NKAIN2: variants seen among roughly 807,000 people sequenced by gnomAD.
The protein encoded by NKAIN2 is sodium/potassium-transporting ATPase subunit beta-1-interacting protein 2.
A neutral mutation model predicts 32.6 loss-of-function variants in NKAIN2; 14 were observed. That is an observed-to-expected ratio of 0.43 (90% CI 0.28 to 0.67). The LOEUF (loss-of-function observed/expected upper bound fraction) is 0.67, where lower values mean the gene tolerates loss of function less well. Among genes scored for constraint, NKAIN2 ranks in the 30% least tolerant of loss-of-function variants. The pLI is 0.17. For missense variants in NKAIN2, 198 were observed against 258.3 expected (o/e 0.77, Z 1.60); for synonymous variants, 80 against 87.2 (o/e 0.92, Z 0.46).
chr6:124,029,451 G>C (rs1047040599), intron 1 of NKAIN2, among the ~76,000 whole-genome samples: 9 of 150,340 alleles, frequency 6.0e-5, no homozygotes, highest in Admixed American at 6.0e-4. Flanking sequence ...AGATAAGGAA[G>C]CACATACCCC....
At chr6:124,458,421 T>C (rs1776403057) in intron 3 of NKAIN2, among the ~76,000 whole-genome samples, 1 of 151,844 alleles carries the variant, frequency 6.6e-6, no homozygotes, top group South Asian at 2.1e-4. Context: ...AAGCAGTGTA[T>C]TAGATGGAAG....
At chr6:123,996,249 A>C (rs1323155390) in intron 1 of NKAIN2, among the ~76,000 whole-genome samples, 1 of 152,104 alleles carries the variant, frequency 6.6e-6, no homozygotes, top group African/African-American at 2.4e-5. Context: ...AATAAATGTC[A>C]GGTCTATTAA....
intron 1 of NKAIN2, among the ~76,000 whole-genome samples, chr6:123,819,071 CA>C (rs1460293196): frequency 6.6e-6 from 1 of 152,094 alleles, no homozygotes; most frequent in Non-Finnish European, 1.5e-5. Context: ...TTAACTTCGT[CA>C]GGTGTTCTGG....
In NKAIN2 at chr6:124,648,698, G is replaced by C. The variant is rs147287775; in HGVS notation, c.274-9488G>C. On this transcript the variant is annotated intron_variant, in intron 3 of 6. Transcript: ENST00000368417. Reference sequence around the variant, plus strand: ...AAAAAAGGCATTAAATGATCCTGAAGTATTGGACCATGTAGAAATGAATAT... The same window carrying C: ...AAAAAAGGCATTAAATGATCCTGAACTATTGGACCATGTAGAAATGAATAT... 1.4e-3 allele frequency among the ~76,000 whole-genome samples: 217 copies of C among 152,276 alleles called. 7 individuals carry two copies. In the East Asian group the frequency reaches 0.038, roughly 27 times the overall value.
chr6:124,079,974 A>C (rs924736954), intron 1 of NKAIN2, among the ~76,000 whole-genome samples: 2 of 151,416 alleles, frequency 1.3e-5, no homozygotes, highest in African/African-American at 4.9e-5. Flanking sequence ...TTGTCCTCAG[A>C]GAGAAATGGT....
chr6:124,003,635 G>T (rs191286313), intron 1 of NKAIN2, among the ~76,000 whole-genome samples: 1 of 152,292 alleles, frequency 6.6e-6, no homozygotes, highest in Admixed American at 6.5e-5. Context: ...ATGGCAAAGT[G>T]AGTGGGAGTG....
At chr6:124,219,517 A>T (rs1018775621) in intron 1 of NKAIN2, among the ~76,000 whole-genome samples, 1 of 152,000 alleles carries the variant, frequency 6.6e-6, no homozygotes. Flanking sequence ...ACATCAAATG[A>T]TGCCGCTGCC....
At chr6:124,186,191 AAGG>A (rs1476167307) in intron 1 of NKAIN2, among the ~76,000 whole-genome samples, 1 of 148,970 alleles carries the variant, frequency 6.7e-6, no homozygotes, top group Non-Finnish European at 1.5e-5. Flanking sequence ...GAAAGGAAGG[AAGG>A]AAGGAAAGAA....
At chr6:124,271,649 G>A (rs1337834279) in intron 1 of NKAIN2, among the ~76,000 whole-genome samples, 1 of 152,166 alleles carries the variant, frequency 6.6e-6, no homozygotes. Flanking sequence ...TGTGGAATTG[G>A]GTAACAGACA....
At chr6:124,596,046 T>C (rs1279003345) in intron 3 of NKAIN2, among the ~76,000 whole-genome samples, 1 of 152,106 alleles carries the variant, frequency 6.6e-6, no homozygotes, top group Non-Finnish European at 1.5e-5. Context: ...GATGTTCTCC[T>C]TGAAGAGAAA....
At chr6:123,884,797 A>G (rs1773635240) in intron 1 of NKAIN2, among the ~76,000 whole-genome samples, 1 of 152,118 alleles carries the variant, frequency 6.6e-6, no homozygotes. Context: ...GTGACAAATA[A>G]AAATAGTACT....
At chr6:123,870,850 C>T (rs1333392437) in intron 1 of NKAIN2, among the ~76,000 whole-genome samples, 4 of 152,018 alleles carry the variant, frequency 2.6e-5, no homozygotes, top group African/African-American at 9.7e-5. Flanking sequence ...TCTTCTTTCT[C>T]TGTTTTTAAT....
intron 1 of NKAIN2, among the ~76,000 whole-genome samples, chr6:124,031,275 T>C (rs1342131112): frequency 6.6e-6 from 1 of 152,152 alleles, no homozygotes; most frequent in Non-Finnish European, 1.5e-5. Flanking sequence ...CATTTTTTAT[T>C]ACGTCTATTT....
At chr6:124,178,299 CTTTTT>C (rs71021481) in intron 1 of NKAIN2, among the ~76,000 whole-genome samples, 1 of 139,092 alleles carries the variant, frequency 7.2e-6, no homozygotes, top group African/African-American at 2.6e-5. Flanking sequence ...CGTACATTAA[CTTTTT>C]TTTTTTTTTT....
intron 1 of NKAIN2, among the ~76,000 whole-genome samples, chr6:124,125,863 A>T (rs191092496): frequency 1.7e-3 from 266 of 152,154 alleles, no homozygotes; most frequent in Admixed American, 3.8e-3. Flanking sequence ...TCCCCTGACA[A>T]CACTGCATTC....
At chr6:123,850,371 T>TATAC (rs1158089972) in intron 1 of NKAIN2, among the ~76,000 whole-genome samples, 58 of 140,238 alleles carry the variant, frequency 4.1e-4, no homozygotes, top group African/African-American at 1.4e-3. Flanking sequence ...TATATATATA[T>TATAC]ACACACACAC....
intron 1 of NKAIN2, among the ~76,000 whole-genome samples, chr6:124,122,449 A>C (rs1785928659): frequency 6.6e-6 from 1 of 152,042 alleles, no homozygotes; most frequent in African/African-American, 2.4e-5. Context: ...CAGAGAGGAG[A>C]GTTTTATAGG....
intron 4 of NKAIN2, among the ~76,000 whole-genome samples, chr6:124,786,137 A>G (rs930411601): frequency 6.6e-6 from 1 of 152,080 alleles, no homozygotes; most frequent in Non-Finnish European, 1.5e-5. Flanking sequence ...CTTTTAAAAA[A>G]TCTGTACCTG....
At chr6:124,203,848 A>C (rs1790715368) in intron 1 of NKAIN2, among the ~76,000 whole-genome samples, 1 of 151,782 alleles carries the variant, frequency 6.6e-6, no homozygotes, top group Non-Finnish European at 1.5e-5. Flanking sequence ...GAAAGATGAA[A>C]TATGCAAAAA....
Sources: gnomAD v4.1 joint callset for allele counts (sites outside exome capture counted in the v4.1 genomes callset) on GRCh38, gnomAD v4.1.1 for gene constraint, MANE v1.5 for transcripts, NCBI Gene and HGNC (gene_info 2026-07-23, HGNC 2026-07-21) for gene names.